Variants in MILR1 observed in about 807,000 individuals in gnomAD.
MILR1 encodes mast cell immunoglobulin like receptor 1.
Under a neutral mutation model 18.5 loss-of-function variants are expected in MILR1, and 31 were observed. The observed-to-expected ratio is 1.68, with a 90% CI of 1.26 to 2.26. MILR1 has a LOEUF of 2.26. Ranked by LOEUF, MILR1 falls within the 30% of genes most tolerant of loss-of-function variation. MILR1 has a pLI of 0.00. For synonymous variants in MILR1, 85 were observed against 56.2 expected (o/e 1.51, Z -2.30); for missense variants, 257 against 157.4 (o/e 1.63, Z -3.38).
the MILR1 span, among the ~76,000 whole-genome samples, chr17:64,489,371 A>G: frequency 6.6e-6 from 1 of 151,900 alleles, no homozygotes; most frequent in South Asian, 2.1e-4. Flanking sequence ...TAAAAAAAAA[A>G]AAAAGGGAAG....
the MILR1 span, chr17:64,497,170 C>T: frequency 1.5e-6 from 1 of 647,278 alleles, no homozygotes; most frequent in Non-Finnish European, 2.8e-6. Context: ...GACGCCGGCT[C>T]GGATGGTTCT....
chr17:64,493,155 C>G, the MILR1 span: 2 of 968,738 alleles, frequency 2.1e-6, no homozygotes, highest in Admixed American at 3.8e-5. Context: ...TGGTGGCTCA[C>G]GCCTATAATC....
At chr17:64,453,740 C>T (rs1039609326) in intron 3 of MILR1, among the ~76,000 whole-genome samples, 3 of 151,724 alleles carry the variant, frequency 2.0e-5, no homozygotes, top group Admixed American at 6.6e-5. Context: ...GGGCCTCATC[C>T]GTGAAGGTGA....
chr17:64,488,817 A>G, the MILR1 span, among the ~76,000 whole-genome samples: 1 of 152,030 alleles, frequency 6.6e-6, no homozygotes, highest in Non-Finnish European at 1.5e-5. Context: ...AAAATACAAA[A>G]ATTAACCGGG....
chr17:64,496,407 C>G, the MILR1 span: 30 of 1,563,708 alleles, frequency 1.9e-5, no homozygotes, highest in Non-Finnish European at 2.6e-5. Flanking sequence ...TGAAGCATAC[C>G]GTGAAGAAGG....
chr17:64,495,979 G>A, the MILR1 span, among the ~76,000 whole-genome samples: 1 of 152,184 alleles, frequency 6.6e-6, no homozygotes, highest in African/African-American at 2.4e-5. Flanking sequence ...AAAATGCTGG[G>A]ATTACAGGCG....
chr17:64,485,627 ATTAT>A, the MILR1 span: 7 of 968,066 alleles, frequency 7.2e-6, no homozygotes, highest in South Asian at 9.3e-5. Context: ...CACTAAATTT[ATTAT>A]TTAGAGTTTA....
At chr17:64,492,982 T>C in the MILR1 span, 1 of 1,614,034 alleles carries the variant, frequency 6.2e-7, no homozygotes, top group Non-Finnish European at 8.5e-7. Flanking sequence ...TAGCCTCTTG[T>C]TTACCAGATC....
the MILR1 span, among the ~76,000 whole-genome samples, chr17:64,489,468 T>G: frequency 6.6e-6 from 1 of 151,042 alleles, no homozygotes; most frequent in East Asian, 1.9e-4. Context: ...TAAGGCAAAA[T>G]TTGGTGACAT....
At chr17:64,477,756 T>C in the MILR1 span, 2 of 1,446,894 alleles carry the variant, frequency 1.4e-6, no homozygotes, top group Non-Finnish European at 9.2e-7. Flanking sequence ...GGGCTAGAAA[T>C]AAATCTAAGT....
the MILR1 span, chr17:64,482,889 T>C: frequency 8.1e-7 from 1 of 1,236,744 alleles, no homozygotes; most frequent in Non-Finnish European, 1.2e-6. Context: ...AATCTGTAAT[T>C]AAAATGACAT....
downstream of MILR1, among the ~76,000 whole-genome samples, chr17:64,471,468 C>G (rs781880921): frequency 1.3e-5 from 2 of 152,186 alleles, no homozygotes; most frequent in Non-Finnish European, 2.9e-5. Context: ...TCACCCCAGG[C>G]ACTGCAAACA....
chr17:64,487,727 C>T, the MILR1 span, among the ~76,000 whole-genome samples: 4 of 151,878 alleles, frequency 2.6e-5, no homozygotes, highest in East Asian at 7.7e-4. Context: ...TTAGGCTGGG[C>T]ACAGTGACTC....
chr17:64,492,916 T>G, the MILR1 span: 36 of 1,614,160 alleles, frequency 2.2e-5, no homozygotes, highest in African/African-American at 4.4e-4. Context: ...ATTTCGTATC[T>G]GCTTAGTGTC....
the MILR1 span, chr17:64,481,181 G>T: frequency 4.7e-6 from 3 of 640,336 alleles, no homozygotes; most frequent in South Asian, 7.0e-5. Flanking sequence ...ATTACTAAAT[G>T]GTGACTGAGC....
At chr17:64,471,538 A>G (rs2144103202), downstream of MILR1, among the ~76,000 whole-genome samples, 1 of 152,338 alleles carries the variant, frequency 6.6e-6, no homozygotes, top group Non-Finnish European at 1.5e-5. Context: ...TATCAGTGCA[A>G]AGTGAGTAGA....
Position 64,452,874 on chromosome 17 carries a change from G to C in MILR1, c.367+8G>C. 2.1e-6 allele frequency: 1 copy of C among 474,858 alleles called. No homozygotes were observed. Among genetic ancestry groups the C allele is most frequent in the Non-Finnish European group, 3.9e-6 (1 of 258,886 alleles). The allele number at this position is 474,858 out of a possible 1,614,324, so 29.4% of individuals were successfully genotyped here. On this transcript the variant is annotated splice_region_variant and intron_variant, in intron 3 of 9. Transcript: ENST00000619286. Reference sequence around the variant, plus strand: ...TCAGCTTCACGATTGTCGGTAAGTAGAGTGCCTGTTCCTTGGAGCCCCTAT... The same window carrying C: ...TCAGCTTCACGATTGTCGGTAAGTACAGTGCCTGTTCCTTGGAGCCCCTAT...
chr17:64,494,592 C>T, the MILR1 span, among the ~76,000 whole-genome samples: 1 of 152,072 alleles, frequency 6.6e-6, no homozygotes, highest in African/African-American at 2.4e-5. Context: ...CCGCCCCCGA[C>T]CTCTAGGGTC....
chr17:64,475,937 C>T, the MILR1 span, among the ~76,000 whole-genome samples: 1 of 151,260 alleles, frequency 6.6e-6, no homozygotes, highest in Non-Finnish European at 1.5e-5. Flanking sequence ...CCTCAGCCTC[C>T]CAAGTAGCTG....
Sources: gnomAD v4.1 joint callset for allele counts (sites outside exome capture counted in the v4.1 genomes callset) on GRCh38, gnomAD v4.1.1 for gene constraint, MANE v1.5 for transcripts, NCBI Gene and HGNC (gene_info 2026-07-23, HGNC 2026-07-21) for gene names.